Variants in IRAG2 observed in about 807,000 individuals in gnomAD.
The protein encoded by IRAG2 is lymphoid restricted membrane protein.
In IRAG2, 45 loss-of-function variants were observed where a neutral mutation model predicts 69.9. The observed-to-expected ratio is 0.64, with a 90% CI of 0.51 to 0.83. The LOEUF (loss-of-function observed/expected upper bound fraction) is 0.83. IRAG2 is among the 40% of genes least tolerant of loss of function. IRAG2 has a pLI of 0.00. For missense variants in IRAG2, 520 were observed against 587.0 expected (o/e 0.89, Z 1.18); for synonymous variants, 193 against 202.4 (o/e 0.95, Z 0.40).
At chr12:25,042,266 T>C (rs1944756639) in intron 16 of IRAG2, among the ~76,000 whole-genome samples, 2 of 65,490 alleles carry the variant, frequency 3.1e-5, no homozygotes, top group South Asian at 1.8e-3. Context: ...AATGGTGTGC[T>C]ATTTAGACAG....
In IRAG2 at chr12:25,070,156, T is replaced by C. The variant is rs113153307; in HGVS notation, c.24+725T>C. 4.4e-3 allele frequency among the ~76,000 whole-genome samples: 665 copies of C among 152,324 alleles called. 2 individuals are homozygous for C. Among genetic ancestry groups the C allele is most frequent in the Admixed American group, 8.8e-3 (134 of 15,306 alleles). ...CAATTCATTAATTTAAATTATTCAC[T>C]TAAATGACTTTCAGTATATTCACAG... On this transcript the variant is annotated intron_variant, in intron 6 of 21. Coordinates refer to ENST00000556887, the MANE Select transcript of IRAG2 (RefSeq NM_001366544.2).
intron 16 of IRAG2, among the ~76,000 whole-genome samples, chr12:25,038,441 G>C (rs1944719356): frequency 6.6e-6 from 1 of 152,162 alleles, no homozygotes; most frequent in African/African-American, 2.4e-5. Flanking sequence ...TCAGGAGTTT[G>C]AGACCAACCT....
At chr12:25,021,485 T>C (rs2139835992) in intron 7 of IRAG2, among the ~76,000 whole-genome samples, 1 of 152,346 alleles carries the variant, frequency 6.6e-6, no homozygotes, top group African/African-American at 2.4e-5. Flanking sequence ...ACTTGCAGGT[T>C]ACTGAGAAGC....
At chr12:25,038,038 A>G in exon 16 of IRAG2, 1 of 398,930 alleles carries the variant, frequency 2.5e-6, no homozygotes, top group Non-Finnish European at 4.4e-6. Flanking sequence ...ATCTTGGGAA[A>G]CCACAAAGAG....
At chr12:25,021,180 C>G (rs2139835363) in intron 7 of IRAG2, 1 of 204,828 alleles carries the variant, frequency 4.9e-6, no homozygotes, top group South Asian at 1.9e-4. Context: ...TCGTGGCTCA[C>G]TCCAGCCTCG....
intron 15 of IRAG2, among the ~76,000 whole-genome samples, chr12:25,037,815 T>C (rs1207918769): frequency 6.6e-6 from 1 of 152,206 alleles, no homozygotes; most frequent in African/African-American, 2.4e-5. Flanking sequence ...GAAATTGGTA[T>C]TAATTAACAT....
intron 13 of IRAG2, chr12:25,035,455 G>A (rs559457058): frequency 5.2e-6 from 2 of 383,522 alleles, no homozygotes; most frequent in Admixed American, 4.5e-5. Flanking sequence ...CCTTAAGACA[G>A]AATAAATGTT....
chr12:25,040,760 T>C (rs699055), intron 16 of IRAG2, among the ~76,000 whole-genome samples: 148,126 of 152,230 alleles, frequency 0.97, 72,196 homozygotes, highest in East Asian at 1. Flanking sequence ...GAAGCCTTGG[T>C]GAGGAAACAA....
At chr12:25,091,293 C>T (rs1948041020) in intron 14 of IRAG2, among the ~76,000 whole-genome samples, 1 of 152,142 alleles carries the variant, frequency 6.6e-6, no homozygotes, top group South Asian at 2.1e-4. Context: ...AACCATTATC[C>T]TACTGACTCT....
At chr12:25,061,735 GAC>G (rs1183707613) in intron 2 of IRAG2, 82 bp downstream of exon 2, 2 of 397,764 alleles carry the variant, frequency 5.0e-6, no homozygotes, top group Non-Finnish European at 8.9e-6. Context: ...ATTTATAACA[GAC>G]AATGACTTTA....
intron 9 of IRAG2, among the ~76,000 whole-genome samples, chr12:25,080,835 G>T (rs1384558306): frequency 2.0e-5 from 3 of 152,072 alleles, no homozygotes; most frequent in Non-Finnish European, 4.4e-5. Context: ...GGTTCCATTT[G>T]TTACCTATCA....
At chr12:25,010,550 T>C (rs948917844) in intron 2 of IRAG2, among the ~76,000 whole-genome samples, 3 of 152,214 alleles carry the variant, frequency 2.0e-5, no homozygotes, top group African/African-American at 7.2e-5. Flanking sequence ...GTGTCACATC[T>C]AAATGACATG....
chr12:25,034,937 A>G (rs2035546), intron 13 of IRAG2, among the ~76,000 whole-genome samples: 33,137 of 152,190 alleles, frequency 0.22, 4,330 homozygotes, highest in South Asian at 0.39. Flanking sequence ...ACCAAGCCAA[A>G]CTGCCAGACT....
intron 10 of IRAG2, among the ~76,000 whole-genome samples, chr12:25,083,871 C>T (rs748807597): frequency 9.9e-5 from 15 of 152,122 alleles, no homozygotes; most frequent in African/African-American, 3.1e-4. Context: ...TCTATCCTAA[C>T]GATATGTTCT....
intron 10 of IRAG2, among the ~76,000 whole-genome samples, chr12:25,083,800 A>G (rs1274488698): frequency 3.3e-5 from 5 of 152,246 alleles, no homozygotes; most frequent in African/African-American, 1.2e-4. Flanking sequence ...AATATTTCTC[A>G]GTAGAGGACT....
At chr12:25,001,543 C>A (rs1373270013), upstream of IRAG2, among the ~76,000 whole-genome samples, 2 of 152,126 alleles carry the variant, frequency 1.3e-5, no homozygotes, top group Admixed American at 6.6e-5. Flanking sequence ...GAACATTAAT[C>A]TAGGTCAGTT....
chr12:25,026,877 C>G, intron 9 of IRAG2: 2 of 1,190,432 alleles, frequency 1.7e-6, no homozygotes, highest in Non-Finnish European at 2.1e-6. Context: ...GTAAGCACTT[C>G]CCAAATACTG....
chr12:25,056,174 C>T (rs1210682201), intron 1 of IRAG2, among the ~76,000 whole-genome samples: 2 of 152,070 alleles, frequency 1.3e-5, no homozygotes, highest in African/African-American at 2.4e-5. Flanking sequence ...GAGGTAAAAC[C>T]CTTAGGGCTT....
chr12:25,076,302 T>G, intron 6 of IRAG2: 1 of 633,928 alleles, frequency 1.6e-6, no homozygotes, highest in South Asian at 7.1e-5. Context: ...ATAGGCAATT[T>G]CTCCAAAATC....
Sources: gnomAD v4.1 joint callset for allele counts (sites outside exome capture counted in the v4.1 genomes callset) on GRCh38, gnomAD v4.1.1 for gene constraint, MANE v1.5 for transcripts, NCBI Gene and HGNC (gene_info 2026-07-23, HGNC 2026-07-21) for gene names.